BBS9: variants seen among roughly 807,000 people sequenced by gnomAD.
BBS9 encodes protein PTHB1.
Under a neutral mutation model 117.7 loss-of-function variants are expected in BBS9, and 89 were observed. The ratio of observed to expected loss-of-function variants is 0.76; its 90% CI spans 0.64 to 0.90. The LOEUF (loss-of-function observed/expected upper bound fraction) is 0.90. Ranked by LOEUF, BBS9 falls within the 40% of genes least tolerant of loss-of-function variation. BBS9 has a pLI of 0.00. For synonymous variants in BBS9, 379 were observed against 370.9 expected, an observed-to-expected ratio of 1.02 and a Z score of -0.25; for missense variants, 982 against 1,042.2, an observed-to-expected ratio of 0.94 and a Z score of 0.80.
In BBS9 at chr7:33,349,092, T is replaced by C. The variant is rs760567112; in HGVS notation, c.1354T>C (p.Leu452=). 3.7e-5 allele frequency: 60 copies of C among 1,611,466 alleles called. No homozygotes were observed. Among genetic ancestry groups the C allele is most frequent in the Non-Finnish European group, 4.8e-5 (57 of 1,177,864 alleles). The part of the protein sequence containing the change: ...VKVTLQNRVI[L]QKAKLSVYVQ... ...GGTCACACTGCAGAACAGAGTGATA[T>C]TGCAAAAAGCCAAATTATCAGTCTA... Residue 452 remains leucine (L), a synonymous_variant, in exon 13 of 23, where the codon TTG becomes CTG. Transcript: ENST00000242067.
chr7:33,552,109 A>C (rs540192827), intron 21 of BBS9, among the ~76,000 whole-genome samples: 1 of 152,232 alleles, frequency 6.6e-6, no homozygotes, highest in African/African-American at 2.4e-5. Flanking sequence ...GACATAAAAG[A>C]ATTTTCATAT....
chr7:33,600,915 T>C (rs183387849), intron 21 of BBS9, among the ~76,000 whole-genome samples: 1 of 152,300 alleles, frequency 6.6e-6, no homozygotes, highest in Non-Finnish European at 1.5e-5. Context: ...GCCCTGGCTA[T>C]GGAAAACCAA....
At chr7:33,220,523 A>G (rs1284545400) in intron 5 of BBS9, among the ~76,000 whole-genome samples, 1 of 152,216 alleles carries the variant, frequency 6.6e-6, no homozygotes, top group East Asian at 1.9e-4. Flanking sequence ...ATATAAAACT[A>G]CTTTGTACCT....
Position 33,324,883 on chromosome 7 carries a change from T to C in BBS9, c.1017-11558T>C, listed in dbSNP as rs182536372. Among the ~76,000 whole-genome samples the C allele has an allele frequency of 5.1e-3, 776 of 152,350 alleles. 10 individuals carry two copies. Among genetic ancestry groups the C allele is most frequent in the African/African-American group, 0.018 (733 of 41,600 alleles). On this transcript the variant is annotated intron_variant, in intron 9 of 22. Transcript: ENST00000242067. ...TCCATTGTAGGGCATTTGTTTCTTT[T>C]CTCTTCCTGCTTTTAGGATCCTTTC...
chr7:33,144,909 C>T (rs1251985234), intron 1 of BBS9, among the ~76,000 whole-genome samples: 1 of 152,024 alleles, frequency 6.6e-6, no homozygotes, highest in Non-Finnish European at 1.5e-5. Context: ...GAGATGTAAT[C>T]CCATCATAAA....
Position 33,463,299 on chromosome 7 carries a change from T to C in BBS9, c.2116-42164T>C, listed in dbSNP as rs536052451. Among the ~76,000 whole-genome samples the C allele has an allele frequency of 2.0e-3, 300 of 152,248 alleles. 3 individuals are homozygous for C. Among genetic ancestry groups the C allele is most frequent in the Middle Eastern group, 0.017 (5 of 294 alleles). ...ATTTTCCTTTTGTAACCAATTGTGC[T>C]GGCATTGTGTATGCAGAAGTGAAAT... On this transcript the variant is annotated intron_variant, in intron 19 of 22. Coordinates refer to ENST00000242067, the MANE Select transcript of BBS9 (RefSeq NM_198428.3).
intron 15 of BBS9, among the ~76,000 whole-genome samples, chr7:33,354,299 T>C (rs1456482017): frequency 6.6e-6 from 1 of 152,178 alleles, no homozygotes; most frequent in Non-Finnish European, 1.5e-5. Context: ...GACTGATCCA[T>C]TTTATTGTCT....
chr7:33,478,697 G>A (rs574297585), intron 19 of BBS9, among the ~76,000 whole-genome samples: 4 of 152,044 alleles, frequency 2.6e-5, no homozygotes, highest in Admixed American at 6.5e-5. Context: ...GTGGTGCCAG[G>A]TTTTTTGTTT....
Position 33,423,554 on chromosome 7 carries a change from C to CA in BBS9, c.2115+35422dup, listed in dbSNP as rs568777790. 4.2e-3 allele frequency among the ~76,000 whole-genome samples: 543 copies of CA among 130,242 alleles called. 8 individuals carry two copies. The South Asian group carries it at 0.058, about 14-fold the overall frequency. 85.4% of individuals were successfully genotyped at this position (130,242 alleles called of 152,430 possible). A position where few individuals can be genotyped will look rare whatever the true frequency, so the allele number is the denominator to read the frequency against. On this transcript the variant is annotated intron_variant, in intron 19 of 22. Transcript: ENST00000242067. ...GTGAAGAATATATAAATGTAGAAAGCAAAAAAAAAAAAGTATTTAAAAATC... is the reference window on the plus strand; with the variant it reads ...GTGAAGAATATATAAATGTAGAAAGCAAAAAAAAAAAAAGTATTTAAAAATC...
At chr7:33,314,354 C>T (rs1161612162) in intron 9 of BBS9, 2 of 377,996 alleles carry the variant, frequency 5.3e-6, no homozygotes, top group Non-Finnish European at 1.0e-5. Context: ...TGAATACTTG[C>T]CTTCTTGGCA....
At chr7:33,190,637 A>G (rs1377913332) in intron 5 of BBS9, among the ~76,000 whole-genome samples, 1 of 152,102 alleles carries the variant, frequency 6.6e-6, no homozygotes, top group Non-Finnish European at 1.5e-5. Context: ...TGGTTACATG[A>G]TGGCTATAGC....
At chr7:33,327,469 G>A (rs1046567963) in intron 9 of BBS9, among the ~76,000 whole-genome samples, 1 of 152,154 alleles carries the variant, frequency 6.6e-6, no homozygotes, top group Non-Finnish European at 1.5e-5. Context: ...GGAGGTTGAA[G>A]CAGGAGGATC....
intron 19 of BBS9, among the ~76,000 whole-genome samples, chr7:33,447,761 G>A (rs1439740564): frequency 6.6e-6 from 1 of 152,096 alleles, no homozygotes; most frequent in Non-Finnish European, 1.5e-5. Context: ...GACTTTTGAT[G>A]GCTTTTGCCC....
At chr7:33,379,540 G>A (rs1824556624) in intron 17 of BBS9, among the ~76,000 whole-genome samples, 2 of 152,240 alleles carry the variant, frequency 1.3e-5, no homozygotes, top group South Asian at 4.1e-4. Context: ...TGAAAAATTA[G>A]CACTGTGAAA....
chr7:33,447,856 A>G (rs1281376417), intron 19 of BBS9, among the ~76,000 whole-genome samples: 1 of 152,176 alleles, frequency 6.6e-6, no homozygotes, highest in Non-Finnish European at 1.5e-5. Context: ...AGATGGATAT[A>G]TGTTGTTCAG....
At chr7:33,408,247 C>A (rs934977804) in intron 19 of BBS9, among the ~76,000 whole-genome samples, 2 of 152,270 alleles carry the variant, frequency 1.3e-5, no homozygotes, top group Admixed American at 1.3e-4. Flanking sequence ...GAGCCAGGTG[C>A]GGGATATAAT....
intron 20 of BBS9, 56 bp from the exon 21 acceptor site, chr7:33,533,898 G>A: frequency 3.2e-6 from 5 of 1,563,110 alleles, no homozygotes; most frequent in Non-Finnish European, 4.4e-6. Flanking sequence ...TACATCAAGT[G>A]CCCACTTTTC....
chr7:33,521,504 T>A (rs1848589240), intron 20 of BBS9, among the ~76,000 whole-genome samples: 1 of 152,196 alleles, frequency 6.6e-6, no homozygotes, highest in Non-Finnish European at 1.5e-5. Flanking sequence ...AAAAGTCCAA[T>A]AGATTGTTTC....
Position 33,272,993 on chromosome 7 carries a change from A to G in BBS9, c.703-19A>G. ...TTCTGAGGTTAGCAACTAAATTGAT[A>G]TTGAGTTTTGCTTTGTAGGTGGATT... On this transcript the variant is annotated intron_variant, in intron 7 of 22. Coordinates refer to ENST00000242067, the MANE Select transcript of BBS9 (RefSeq NM_198428.3). 2 of 1,613,176 alleles carry G rather than the reference A, an allele frequency of 1.2e-6. No individual in the cohort carries two copies. Among genetic ancestry groups the G allele is most frequent in the East Asian group, 2.2e-5 (1 of 44,818 alleles).
Sources: gnomAD v4.1 joint callset for allele counts (sites outside exome capture counted in the v4.1 genomes callset) on GRCh38, gnomAD v4.1.1 for gene constraint, MANE v1.5 for transcripts, NCBI Gene and HGNC (gene_info 2026-07-23, HGNC 2026-07-21) for gene names.